The following WDR7 variants were observed in gnomAD, a reference collection of about 807,000 sequenced individuals.
WDR7 encodes the protein WD repeat-containing protein 7.
WDR7 carries 46 observed loss-of-function variants against 169.4 expected under a neutral mutation model. That is an observed-to-expected ratio of 0.27 (90% CI 0.21 to 0.35). The LOEUF (loss-of-function observed/expected upper bound fraction) is 0.35. Among genes scored for constraint, WDR7 ranks in the 10% least tolerant of loss-of-function variants. WDR7 has a pLI of 1.00. For missense variants in WDR7, 1,534 were observed against 1,859.3 expected (o/e 0.83, Z 3.22); for synonymous variants, 612 against 666.8 (o/e 0.92, Z 1.27).
At chr18:56,882,323 G>T (rs1318414080) in intron 21 of WDR7, among the ~76,000 whole-genome samples, 1 of 152,206 alleles carries the variant, frequency 6.6e-6, no homozygotes, top group Non-Finnish European at 1.5e-5. Context: ...ACATGATTTG[G>T]TGTGGTGGCT....
chr18:56,724,246 T>C (rs2026389494), intron 13 of WDR7, among the ~76,000 whole-genome samples: 2 of 141,926 alleles, frequency 1.4e-5, no homozygotes, highest in South Asian at 4.8e-4. Context: ...AGTTTCACTC[T>C]TGTTGCCCAG....
rs1037607633 is a variant in WDR7, at chr18:56,805,012, C to T, written c.3191-11019C>T. Among the ~76,000 whole-genome samples, 2 of 152,110 alleles carry T rather than the reference C, an allele frequency of 1.3e-5. 1 individual carries two copies. On this transcript the variant is annotated intron_variant, in intron 19 of 27. Transcript: ENST00000254442. ...TTGTTCTCCCTGGACCCTGGAAGACCAATTGGATGGTTTCTGCCAACACTG... is the reference window on the plus strand; with the variant it reads ...TTGTTCTCCCTGGACCCTGGAAGACTAATTGGATGGTTTCTGCCAACACTG...
intron 16 of WDR7, among the ~76,000 whole-genome samples, chr18:56,766,572 T>C (rs2044071072): frequency 6.6e-6 from 1 of 152,148 alleles, no homozygotes; most frequent in African/African-American, 2.4e-5. Context: ...TTTTTTTTTA[T>C]AGAGACAGTG....
chr18:56,986,929 T>G lies in WDR7; in HGVS notation c.4164+24400T>G, dbSNP rs1276836163. 3.2e-4 allele frequency among the ~76,000 whole-genome samples: 48 copies of G among 152,190 alleles called. 1 individual carries two copies. The highest frequency in any genetic ancestry group is 2.9e-3 in the Admixed American group (45 of 15,290). On this transcript the variant is annotated intron_variant, in intron 26 of 27. Coordinates refer to ENST00000254442, the MANE Select transcript of WDR7 (RefSeq NM_015285.3). The stretch of plus-strand genomic sequence containing the variant: ...TTTTTTAAAATCAAGGTCCATAGGC[T>G]TAGGCAACAGTTCAGTAACCTTTGG...
intron 21 of WDR7, among the ~76,000 whole-genome samples, chr18:56,905,579 A>G (rs1162827146): frequency 2.6e-5 from 4 of 151,670 alleles, no homozygotes; most frequent in African/African-American, 9.7e-5. Flanking sequence ...TTTTATATTT[A>G]GTAGCAGTAA....
Position 56,682,510 on chromosome 18 carries a change from T to A in WDR7, c.346-169T>A, listed in dbSNP as rs569137660. On this transcript the variant is annotated intron_variant, in intron 4 of 27. Transcript: ENST00000254442. ...TTTAATATAACTTAATATATGTGTG[T>A]GCACATACACCCATATAATATGTAC... Among the ~76,000 whole-genome samples, 3 of 152,358 alleles carry A rather than the reference T, an allele frequency of 2.0e-5. No individual in the cohort carries two copies. In the South Asian group the frequency reaches 6.2e-4, roughly 32 times the overall value.
chr18:56,715,369 A>AT (rs919811979), intron 12 of WDR7, among the ~76,000 whole-genome samples: 1 of 152,178 alleles, frequency 6.6e-6, no homozygotes, highest in Non-Finnish European at 1.5e-5. Context: ...CTCATACTTC[A>AT]TTTTCTCTAC....
At chr18:56,790,856 G>GA (rs33919848) in intron 19 of WDR7, among the ~76,000 whole-genome samples, 4,003 of 152,050 alleles carry the variant, frequency 0.026, 72 homozygotes, top group African/African-American at 0.051. Flanking sequence ...CAAACATAAA[G>GA]AAAAATTTTT....
At chr18:56,921,123 A>G (rs925593604) in intron 21 of WDR7, among the ~76,000 whole-genome samples, 9 of 152,246 alleles carry the variant, frequency 5.9e-5, no homozygotes, top group African/African-American at 2.2e-4. Flanking sequence ...GCAGAAAAGT[A>G]GTATGCTTCC....
chr18:56,804,161 T>A (rs2145170815), intron 19 of WDR7, among the ~76,000 whole-genome samples: 1 of 152,362 alleles, frequency 6.6e-6, no homozygotes, highest in Non-Finnish European at 1.5e-5. Context: ...TTTTATACAA[T>A]GACACAAAGG....
chr18:57,023,601 A>C (rs966899554), intron 27 of WDR7, among the ~76,000 whole-genome samples: 2 of 152,248 alleles, frequency 1.3e-5, no homozygotes, highest in African/African-American at 4.8e-5. Context: ...GGGAAGAAAA[A>C]AGCCAAAGTT....
chr18:56,818,020 G>A (rs1350970306), intron 20 of WDR7, among the ~76,000 whole-genome samples: 1 of 152,184 alleles, frequency 6.6e-6, no homozygotes, highest in Non-Finnish European at 1.5e-5. Flanking sequence ...TGGGATTACA[G>A]GCATGAGCCA....
At chr18:56,896,525 A>G (rs547900972) in intron 21 of WDR7, among the ~76,000 whole-genome samples, 2 of 152,014 alleles carry the variant, frequency 1.3e-5, no homozygotes, top group South Asian at 4.1e-4. Flanking sequence ...GCAGCATAGA[A>G]ATCATTCATA....
intron 13 of WDR7, among the ~76,000 whole-genome samples, chr18:56,730,151 G>T (rs775163259): frequency 1.3e-5 from 2 of 152,130 alleles, no homozygotes; most frequent in Non-Finnish European, 2.9e-5. Flanking sequence ...GTGTACCAGG[G>T]ATACAACAGT....
intron 20 of WDR7, among the ~76,000 whole-genome samples, chr18:56,875,838 C>A (rs977219315): frequency 1.4e-4 from 21 of 152,152 alleles, no homozygotes; most frequent in African/African-American, 4.8e-4. Context: ...TGTTGAATAA[C>A]TGAGTTCAGT....
In WDR7 at chr18:56,837,690, G is replaced by A. The variant is rs999591150; in HGVS notation, c.3304+21546G>A. Among the ~76,000 whole-genome samples the A allele has an allele frequency of 8.6e-5, 13 of 151,980 alleles. 1 individual carries two copies. The highest frequency in any genetic ancestry group is 4.2e-4 in the South Asian group (2 of 4,802). Reference sequence around the variant, plus strand: ...TTTCTTTTTTTTGAGACGGAGTTTCGCTTTTGTCGCCCAGGTTGGAGTGCA... The same window carrying A: ...TTTCTTTTTTTTGAGACGGAGTTTCACTTTTGTCGCCCAGGTTGGAGTGCA... On this transcript the variant is annotated intron_variant, in intron 20 of 27. Transcript: ENST00000254442.
chr18:56,878,914 T>C (rs1599123146), intron 20 of WDR7, among the ~76,000 whole-genome samples: 1 of 152,212 alleles, frequency 6.6e-6, no homozygotes, highest in African/African-American at 2.4e-5. Context: ...TGCTGAGTAA[T>C]CTAATTTTGT....
At chr18:56,900,111 A>ATATATATATAT (rs1555707547) in intron 21 of WDR7, among the ~76,000 whole-genome samples, 38 of 137,754 alleles carry the variant, frequency 2.8e-4, no homozygotes, top group East Asian at 6.1e-4. Context: ...TATATATATA[A>ATATATATATAT]AATTGTTAAT....
intron 12 of WDR7, among the ~76,000 whole-genome samples, chr18:56,698,564 C>T (rs1293856523): frequency 6.6e-6 from 1 of 150,840 alleles, no homozygotes; most frequent in African/African-American, 2.4e-5. Flanking sequence ...TGAGATTGCA[C>T]CACTGCACTC....
Sources: allele counts gnomAD v4.1 joint callset (sites outside exome capture counted in the v4.1 genomes callset), GRCh38; gene constraint gnomAD v4.1.1; transcripts MANE v1.5; gene names NCBI Gene and HGNC (gene_info 2026-07-23, HGNC 2026-07-21).